The following ARHGAP15 variants were observed in gnomAD, a reference collection of about 807,000 sequenced individuals.
The protein encoded by ARHGAP15 is rho GTPase-activating protein 15.
In ARHGAP15, 51 loss-of-function variants were observed where a neutral mutation model predicts 63.7. The ratio of observed to expected loss-of-function variants is 0.80; its 90% CI spans 0.64 to 1.01. ARHGAP15 has a LOEUF of 1.01. Among genes scored for constraint, ARHGAP15 ranks in the 50% least tolerant of loss-of-function variants. ARHGAP15 has a pLI of 0.00. For missense variants in ARHGAP15, 560 were observed against 564.6 expected (o/e 0.99, Z 0.08); for synonymous variants, 191 against 193.8 (o/e 0.99, Z 0.12).
chr2:143,470,753 G>A (rs1212598894), intron 8 of ARHGAP15, among the ~76,000 whole-genome samples: 3 of 148,548 alleles, frequency 2.0e-5, no homozygotes, highest in African/African-American at 7.4e-5. Context: ...GAGGTGATTG[G>A]TTACACTTCT....
At chr2:143,172,918 T>A (rs1690851992) in intron 2 of ARHGAP15, among the ~76,000 whole-genome samples, 1 of 152,034 alleles carries the variant, frequency 6.6e-6, no homozygotes, top group Non-Finnish European at 1.5e-5. Flanking sequence ...AAGATCCCAT[T>A]GAGACAAAGC....
At chr2:143,763,527 C>A (rs1686834496) in intron 13 of ARHGAP15, among the ~76,000 whole-genome samples, 1 of 151,562 alleles carries the variant, frequency 6.6e-6, no homozygotes, top group African/African-American at 2.4e-5. Context: ...CTTTTCTAAC[C>A]TAAAGACAGT....
chr2:143,443,341 A>T (rs1310259461), intron 8 of ARHGAP15, among the ~76,000 whole-genome samples: 1 of 152,140 alleles, frequency 6.6e-6, no homozygotes, highest in Non-Finnish European at 1.5e-5. Flanking sequence ...TGGAAAAACA[A>T]AAAAGTCGTG....
chr2:143,408,750 T>G (rs1688320713), intron 6 of ARHGAP15, among the ~76,000 whole-genome samples: 1 of 151,954 alleles, frequency 6.6e-6, no homozygotes, highest in African/African-American at 2.4e-5. Flanking sequence ...TTGATTAGAA[T>G]GTATACATAT....
At chr2:143,485,061 T>C (rs1486493928) in intron 8 of ARHGAP15, among the ~76,000 whole-genome samples, 1 of 151,924 alleles carries the variant, frequency 6.6e-6, no homozygotes, top group African/African-American at 2.4e-5. Context: ...ATAGTACCCA[T>C]TTTTTAAAGT....
intron 13 of ARHGAP15, among the ~76,000 whole-genome samples, chr2:143,715,269 G>A (rs1166901099): frequency 6.6e-6 from 1 of 152,134 alleles, no homozygotes; most frequent in Non-Finnish European, 1.5e-5. Context: ...AGAATAGCAT[G>A]GGAAAGACCA....
At chr2:143,560,644 T>G (rs1320326990) in intron 11 of ARHGAP15, among the ~76,000 whole-genome samples, 1 of 152,224 alleles carries the variant, frequency 6.6e-6, no homozygotes, top group Non-Finnish European at 1.5e-5. Flanking sequence ...CCCCGCCTCT[T>G]GGTGTTGGTA....
At chr2:143,156,068 A>C (rs1232230429) in intron 2 of ARHGAP15, among the ~76,000 whole-genome samples, 1 of 151,830 alleles carries the variant, frequency 6.6e-6, no homozygotes, top group Non-Finnish European at 1.5e-5. Context: ...AAATGTGAAA[A>C]TCTCTTCCTT....
chr2:143,673,360 T>C (rs1261879132), intron 12 of ARHGAP15, among the ~76,000 whole-genome samples: 1 of 152,084 alleles, frequency 6.6e-6, no homozygotes, highest in African/African-American at 2.4e-5. Flanking sequence ...TGCAGTAGCA[T>C]GAGCTCGGCT....
At chr2:143,672,881 T>C (rs888545945) in intron 12 of ARHGAP15, among the ~76,000 whole-genome samples, 1 of 152,178 alleles carries the variant, frequency 6.6e-6, no homozygotes, top group South Asian at 2.1e-4. Context: ...CTTTCAAGAA[T>C]TACTGAAAAG....
At chr2:143,661,110 C>G (rs902117320) in intron 12 of ARHGAP15, among the ~76,000 whole-genome samples, 10 of 152,206 alleles carry the variant, frequency 6.6e-5, no homozygotes, top group African/African-American at 1.9e-4. Flanking sequence ...CTCTGACATT[C>G]TTCCATTCTC....
chr2:143,207,371 A>T (rs576320223), intron 3 of ARHGAP15, among the ~76,000 whole-genome samples: 2 of 152,146 alleles, frequency 1.3e-5, no homozygotes, highest in South Asian at 4.1e-4. Context: ...ACAGAAGCAA[A>T]AACAATAATT....
intron 11 of ARHGAP15, among the ~76,000 whole-genome samples, chr2:143,559,649 A>G (rs1270479268): frequency 6.6e-6 from 1 of 152,196 alleles, no homozygotes; most frequent in Non-Finnish European, 1.5e-5. Context: ...CTTGTTGCTA[A>G]TGCCATACCT....
At position 143,423,664 on chromosome 2, in the gene ARHGAP15, G is replaced by A. The variant is rs965726374; in HGVS notation, c.475-11937G>A. On this transcript the variant is annotated intron_variant, in intron 6 of 13. Transcript: ENST00000295095. Reference sequence around the variant, plus strand: ...GCAGTGTCTGAGTAGTTTCCTGAATGAAGAGGTGGAGTTTGCAAAGTCCAG... The same window carrying A: ...GCAGTGTCTGAGTAGTTTCCTGAATAAAGAGGTGGAGTTTGCAAAGTCCAG... Among the ~76,000 whole-genome samples, 20 of 152,220 alleles carry A rather than the reference G, an allele frequency of 1.3e-4. 1 individual carries two copies. The highest frequency in any genetic ancestry group is 9.2e-4 in the Admixed American group (14 of 15,270).
At chr2:143,255,409 G>T (rs558091354) in intron 6 of ARHGAP15, among the ~76,000 whole-genome samples, 4 of 151,678 alleles carry the variant, frequency 2.6e-5, no homozygotes, top group African/African-American at 9.7e-5. Flanking sequence ...AGTAAACCTC[G>T]GAATAGATTT....
intron 6 of ARHGAP15, among the ~76,000 whole-genome samples, chr2:143,414,921 T>C (rs1171105641): frequency 2.0e-5 from 3 of 152,112 alleles, no homozygotes; most frequent in Admixed American, 1.3e-4. Context: ...AGAGCAAGAC[T>C]CTGTCTCAAG....
At chr2:143,201,303 T>C (rs1692107540) in intron 2 of ARHGAP15, among the ~76,000 whole-genome samples, 1 of 151,828 alleles carries the variant, frequency 6.6e-6, no homozygotes. Context: ...AAATTTTTTT[T>C]GTAGAGTTGG....
At chr2:143,415,939 A>G (rs1384204229) in intron 6 of ARHGAP15, among the ~76,000 whole-genome samples, 1 of 152,218 alleles carries the variant, frequency 6.6e-6, no homozygotes, top group Non-Finnish European at 1.5e-5. Context: ...ATGCAGAGGC[A>G]TAAAAATGAC....
At chr2:143,311,357 G>A (rs529535436) in intron 6 of ARHGAP15, among the ~76,000 whole-genome samples, 2 of 150,882 alleles carry the variant, frequency 1.3e-5, no homozygotes, top group East Asian at 1.9e-4. Context: ...ATATTCTTGT[G>A]AGTTCATGAT....
Sources: allele counts gnomAD v4.1 joint callset (sites outside exome capture counted in the v4.1 genomes callset), GRCh38; gene constraint gnomAD v4.1.1; transcripts MANE v1.5; gene names NCBI Gene and HGNC (gene_info 2026-07-23, HGNC 2026-07-21).